Variants in PRKN observed in about 807,000 individuals in gnomAD.
PRKN encodes parkin RBR E3 ubiquitin protein ligase.
PRKN carries 56 observed loss-of-function variants against 59.5 expected under a neutral mutation model. That is an observed-to-expected ratio of 0.94 (90% confidence interval 0.76 to 1.18). The LOEUF is 1.18. Ranked by LOEUF, PRKN falls within the 50% of genes most tolerant of loss-of-function variation. PRKN has a pLI of 0.00. For synonymous variants in PRKN, 250 were observed against 222.1 expected (o/e 1.13, Z -1.12); for missense variants, 657 against 596.4 (o/e 1.10, Z -1.06).
chr6:161,710,872 C>CCT (rs1786716514), intron 7 of PRKN, among the ~76,000 whole-genome samples: 5 of 112,328 alleles, frequency 4.5e-5, no homozygotes, highest in Admixed American at 1.2e-4. Flanking sequence ...CCTTTCCTTC[C>CCT]TTCCTTCCTT....
rs1342482738 is a variant in PRKN at position 161,399,939 on chromosome 6, T to C, written c.1084-13062A>G. Among the ~76,000 whole-genome samples the C allele has an allele frequency of 2.6e-5, 4 of 152,224 alleles. No individual in the cohort carries two copies. Among genetic ancestry groups the C allele is most frequent in the Non-Finnish European group, 4.4e-5 (3 of 68,042 alleles). Reference sequence around the variant, plus strand: ...ACTAAATATATTCAAAATTGTATCATTTCAACATGCAATCGATATAAAAAT... The same window carrying C: ...ACTAAATATATTCAAAATTGTATCACTTCAACATGCAATCGATATAAAAAT... On this transcript the variant is annotated intron_variant, in intron 9 of 11. Coordinates refer to ENST00000366898, the MANE Select transcript of PRKN (RefSeq NM_004562.3). The surrounding 1 kb of genome is among the most constrained non-coding windows in gnomAD (Gnocchi z 4.4).
chr6:162,455,993 G>C (rs1583602052), intron 1 of PRKN, among the ~76,000 whole-genome samples: 1 of 152,142 alleles, frequency 6.6e-6, no homozygotes, highest in East Asian at 1.9e-4. Flanking sequence ...TTTTGTCCAA[G>C]TAATTAGCTT....
At chr6:162,347,142 ATTTTTATTATTT>A in intron 2 of PRKN, among the ~76,000 whole-genome samples, 1 of 149,632 alleles carries the variant, frequency 6.7e-6, no homozygotes, top group South Asian at 2.1e-4. Context: ...GTCTGGAATT[ATTTTTATTATTT>A]TATTTATCCA....
chr6:161,797,616 A>G (rs915658269), intron 6 of PRKN, among the ~76,000 whole-genome samples: 2 of 152,182 alleles, frequency 1.3e-5, no homozygotes, highest in African/African-American at 4.8e-5. Context: ...GGTTGTCTGA[A>G]GTAGAGTGGT....
intron 4 of PRKN, among the ~76,000 whole-genome samples, chr6:162,155,196 C>A (rs966000738): frequency 6.6e-6 from 1 of 151,944 alleles, no homozygotes; most frequent in Non-Finnish European, 1.5e-5. Flanking sequence ...TTTGGTTAAT[C>A]CCTGGCAGTG....
chr6:162,356,747 T>TAAAAAAAAAAAA (rs748212596), intron 2 of PRKN, among the ~76,000 whole-genome samples: 1 of 73,060 alleles, frequency 1.4e-5, no homozygotes, highest in Non-Finnish European at 2.7e-5. Flanking sequence ...TGATTATTAG[T>TAAAAAAAAAAAA]AAAAAAAAAA....
chr6:162,111,018 G>T (rs944583820), intron 4 of PRKN, among the ~76,000 whole-genome samples: 3 of 152,164 alleles, frequency 2.0e-5, no homozygotes, highest in African/African-American at 7.2e-5. Context: ...CAAATGCAAC[G>T]TGTGGGCTTC....
intron 8 of PRKN, among the ~76,000 whole-genome samples, chr6:161,559,313 T>A (rs1262348375): frequency 6.6e-6 from 1 of 152,144 alleles, no homozygotes; most frequent in Non-Finnish European, 1.5e-5. Context: ...ACAAAGGCTG[T>A]TTTCCTCACA....
intron 9 of PRKN, among the ~76,000 whole-genome samples, chr6:161,435,643 G>A (rs950257513): frequency 4.0e-5 from 6 of 151,772 alleles, no homozygotes; most frequent in Non-Finnish European, 5.9e-5. Flanking sequence ...ATCAGGACCC[G>A]CTTATCCAGC....
chr6:161,631,772 A>ACACAC (rs1783320706), intron 7 of PRKN, among the ~76,000 whole-genome samples: 1 of 150,360 alleles, frequency 6.7e-6, no homozygotes, highest in African/African-American at 2.5e-5. Flanking sequence ...CACCCAGACA[A>ACACAC]ACACACACAC....
Position 161,454,363 on chromosome 6 carries a change from A to G in PRKN, c.1084-67486T>C, listed in dbSNP as rs1156455106. Among the ~76,000 whole-genome samples, 2 of 152,140 alleles carry G rather than the reference A, an allele frequency of 1.3e-5. No homozygotes were observed. Among genetic ancestry groups the G allele is most frequent in the Admixed American group, 6.5e-5 (1 of 15,274 alleles). On this transcript the variant is annotated intron_variant, in intron 9 of 11. Transcript: ENST00000366898. The surrounding 1 kb of genome is among the most constrained non-coding windows in gnomAD (Gnocchi z 4.6). ...ATTCTCCATACTCTGAAGTTCTTGA[A>G]GAAGGCACTGGCTGGGGTTAGGGTG...
intron 4 of PRKN, among the ~76,000 whole-genome samples, chr6:162,059,922 C>T (rs1038278506): frequency 1.3e-5 from 2 of 152,136 alleles, no homozygotes; most frequent in Non-Finnish European, 2.9e-5. Flanking sequence ...AAGAATGTTT[C>T]GTGACACATG....
rs959262127 is a variant in PRKN at position 161,355,447 on chromosome 6, G to A, written c.1285+4641C>T. On this transcript the variant is annotated intron_variant, in intron 11 of 11. Transcript: ENST00000366898. This position sits in a 1 kb window ranked among gnomAD's most constrained non-coding sequence, Gnocchi z 6.8. ...GACGGAGTCTCACTGTGTCACCCAG[G>A]CCGAAGTGCAATGGTGCAATCTTGG... Among the ~76,000 whole-genome samples the A allele has an allele frequency of 6.6e-6, 1 of 152,188 alleles. No homozygotes were observed. Among genetic ancestry groups the A allele is most frequent in the Non-Finnish European group, 1.5e-5 (1 of 68,032 alleles).
chr6:161,350,182 G>A lies in PRKN; in HGVS notation c.1315C>T (p.Pro439Ser), dbSNP rs2114825478. Reference sequence around the variant, plus strand: ...CAGCACCACTCGAGCCTGCACTGGGGCTGCGGACACTTCATGTGCATGCAG... The same window carrying A: ...CAGCACCACTCGAGCCTGCACTGGGACTGCGGACACTTCATGTGCATGCAG... ...GGCMHMKCPQ[P>S]QCRLEWCWNC... The change falls in exon 12 of 12, where the codon CCC becomes TCC. Residue 439 changes from proline to serine, a missense_variant. Pro to Ser is a moderately conservative substitution (Grantham distance 74). Coordinates refer to ENST00000366898, the MANE Select transcript of PRKN (RefSeq NM_004562.3). 6.2e-7 allele frequency: 1 copy of A among 1,613,602 alleles called. No homozygotes were observed.
chr6:161,561,705 G>C lies in PRKN; in HGVS notation c.933+7650C>G, dbSNP rs932488707. On this transcript the variant is annotated intron_variant, in intron 8 of 11. Coordinates refer to ENST00000366898, the MANE Select transcript of PRKN (RefSeq NM_004562.3). This position sits in a 1 kb window ranked among gnomAD's most constrained non-coding sequence, Gnocchi z 5.0. ...AAGTACTTCCCTTCTTCAGTTCTTG[G>C]ATCTCTCTCTCAAATTACCGGTAAT... Among the ~76,000 whole-genome samples the C allele has an allele frequency of 1.4e-4, 21 of 152,012 alleles. No individual in the cohort carries two copies. The highest frequency in any genetic ancestry group is 5.1e-4 in the African/African-American group (21 of 41,382).
intron 7 of PRKN, among the ~76,000 whole-genome samples, chr6:161,629,150 C>T (rs1240465825): frequency 6.6e-6 from 1 of 152,106 alleles, no homozygotes; most frequent in African/African-American, 2.4e-5. Flanking sequence ...GATGCTCATG[C>T]ATCTGGGCTT....
At chr6:162,576,367 T>G (rs36107456) in intron 1 of PRKN, among the ~76,000 whole-genome samples, 18,722 of 152,198 alleles carry the variant, frequency 0.12, 1,267 homozygotes, top group Middle Eastern at 0.2. Context: ...CAAGAAAATT[T>G]CATATTAGGA....
rs1785038256 is a variant in PRKN, at chr6:161,363,047, GC to G, written c.1168-2843del. Among the ~76,000 whole-genome samples, 1 of 152,074 alleles carries G rather than the reference GC, an allele frequency of 6.6e-6. No individual in the cohort carries two copies. The highest frequency in any genetic ancestry group is 2.4e-5 in the African/African-American group (1 of 41,384). On this transcript the variant is annotated intron_variant, in intron 10 of 11. Transcript: ENST00000366898. The surrounding 1 kb of genome is among the most constrained non-coding windows in gnomAD (Gnocchi z 4.1). Reference sequence around the variant, plus strand: ...ACTTGAGGCCGGGTGTTCAAGACCAGCCTGGCCAACATGGTGAAACCTCGTC... The same window carrying G: ...ACTTGAGGCCGGGTGTTCAAGACCAGCTGGCCAACATGGTGAAACCTCGTC...
chr6:162,630,490 G>C (rs977475739), intron 1 of PRKN, among the ~76,000 whole-genome samples: 1 of 152,074 alleles, frequency 6.6e-6, no homozygotes, highest in East Asian at 1.9e-4. Context: ...ATATACATTG[G>C]ATGTGCCAGA....
Sources: gnomAD v4.1 joint callset for allele counts (sites outside exome capture counted in the v4.1 genomes callset) on GRCh38, gnomAD v4.1.1 for gene constraint, Gnocchi (gnomAD v3.1) non-coding constraint, MANE v1.5 for transcripts, NCBI Gene and HGNC (gene_info 2026-07-23, HGNC 2026-07-21) for gene names.